Variants in EPHA5 observed in about 807,000 individuals in gnomAD.
EPHA5 encodes ephrin type-A receptor 5.
In EPHA5, 60 loss-of-function variants were observed where a neutral mutation model predicts 105.0. The ratio of observed to expected loss-of-function variants is 0.57; its 90% CI spans 0.46 to 0.71. The LOEUF is 0.71. Ranked by LOEUF, EPHA5 falls within the 30% of genes least tolerant of loss-of-function variation. EPHA5 has a pLI of 0.00. For synonymous variants in EPHA5, 513 were observed against 449.1 expected (o/e 1.14, Z -1.80); for missense variants, 1,218 against 1,274.7 (o/e 0.96, Z 0.68).
At chr4:65,639,585 G>A (rs904062574) in intron 2 of EPHA5, among the ~76,000 whole-genome samples, 1 of 152,050 alleles carries the variant, frequency 6.6e-6, no homozygotes, top group African/African-American at 2.4e-5. Flanking sequence ...GCTTTATCCT[G>A]CTTATGTTTG....
At chr4:65,554,981 CA>C (rs71205383) in intron 3 of EPHA5, among the ~76,000 whole-genome samples, 11 of 92,556 alleles carry the variant, frequency 1.2e-4, no homozygotes, top group South Asian at 7.8e-4. Flanking sequence ...TATACAACAG[CA>C]AAAAAAAAAA....
At chr4:65,510,356 C>T (rs1578291920) in intron 3 of EPHA5, among the ~76,000 whole-genome samples, 1 of 151,824 alleles carries the variant, frequency 6.6e-6, no homozygotes, top group East Asian at 1.9e-4. Context: ...ATACATACTT[C>T]TGTTAGCAAG....
intron 3 of EPHA5, among the ~76,000 whole-genome samples, chr4:65,526,773 T>A (rs967207931): frequency 6.6e-6 from 1 of 152,026 alleles, no homozygotes; most frequent in Non-Finnish European, 1.5e-5. Context: ...ATGGAATGGC[T>A]ACAAGGTTTC....
intron 3 of EPHA5, among the ~76,000 whole-genome samples, chr4:65,594,321 T>A (rs559279366): frequency 5.0e-4 from 76 of 152,238 alleles, no homozygotes; most frequent in Non-Finnish European, 7.9e-4. Flanking sequence ...CATTTCAACA[T>A]AAAATATAAT....
At chr4:65,481,916 T>C (rs1171530414) in intron 5 of EPHA5, among the ~76,000 whole-genome samples, 1 of 152,190 alleles carries the variant, frequency 6.6e-6, no homozygotes, top group Admixed American at 6.5e-5. Flanking sequence ...TTAAATAAAG[T>C]TCAGACACTT....
At chr4:65,484,337 G>A (rs781082363) in intron 5 of EPHA5, among the ~76,000 whole-genome samples, 125 of 152,104 alleles carry the variant, frequency 8.2e-4, no homozygotes, top group Middle Eastern at 3.2e-3. Flanking sequence ...TCAACTACAA[G>A]GATGGCATCA....
At chr4:65,455,282 T>TA (rs1308860980) in intron 5 of EPHA5, among the ~76,000 whole-genome samples, 1 of 151,932 alleles carries the variant, frequency 6.6e-6, no homozygotes, top group Non-Finnish European at 1.5e-5. Context: ...AATACAAAAC[T>TA]AAAAAATGAA....
intron 5 of EPHA5, among the ~76,000 whole-genome samples, chr4:65,432,370 G>A (rs994830346): frequency 2.0e-5 from 3 of 152,014 alleles, no homozygotes; most frequent in African/African-American, 4.8e-5. Flanking sequence ...AGTAACCTGC[G>A]CTCCAATAAA....
intron 15 of EPHA5, among the ~76,000 whole-genome samples, chr4:65,333,745 C>T (rs1159475359): frequency 6.7e-6 from 1 of 149,296 alleles, no homozygotes; most frequent in Non-Finnish European, 1.5e-5. Flanking sequence ...AAAGTATCTA[C>T]TTTTTAAAAA....
chr4:65,510,177 G>A (rs974470340), intron 3 of EPHA5, among the ~76,000 whole-genome samples: 1 of 150,606 alleles, frequency 6.6e-6, no homozygotes, highest in African/African-American at 2.4e-5. Context: ...TGGTATTACA[G>A]GCATATGCCA....
rs1750337795 is a variant in EPHA5, at chr4:65,670,163, C to A, written c.-421G>T. ...GTAAGGAAGGCAAATCATTTTAAGA[C>A]GAAATCTCCGATTTTTTAAAAAAGG... On this transcript the variant is annotated 5_prime_UTR_variant, in exon 1 of 17. Coordinates refer to ENST00000613740, the MANE Select transcript of EPHA5 (RefSeq NM_001281766.3). The A allele has an allele frequency of 1.6e-5, 4 of 250,394 alleles. No homozygotes were observed. In the Admixed American group the frequency reaches 1.6e-4, roughly 10 times the overall value. 15.5% of individuals were successfully genotyped at this position (250,394 alleles called of 1,614,324 possible).
chr4:65,536,364 A>T lies in EPHA5; in HGVS notation c.911-40821T>A, dbSNP rs533010505. ...TTTAAACATTTTTAAAAATCACCGC[A>T]TTTAACAATGTGTTATAGGAAAGCA... On this transcript the variant is annotated intron_variant, in intron 3 of 16. Transcript: ENST00000613740. 4.6e-5 allele frequency among the ~76,000 whole-genome samples: 7 copies of T among 152,104 alleles called. No individual in the cohort carries two copies. In the South Asian group the frequency reaches 1.4e-3, roughly 32 times the overall value.
chr4:65,502,003 A>G (rs1227214167), intron 3 of EPHA5, among the ~76,000 whole-genome samples: 1 of 151,856 alleles, frequency 6.6e-6, no homozygotes, highest in Admixed American at 6.6e-5. Context: ...CAATAGGGGA[A>G]AAACTTCCCA....
At chr4:65,387,768 T>A (rs35928662) in intron 8 of EPHA5, among the ~76,000 whole-genome samples, 1 of 151,816 alleles carries the variant, frequency 6.6e-6, no homozygotes, top group East Asian at 2.0e-4. Flanking sequence ...TGTAGAATAC[T>A]GGTTTATTAC....
At chr4:65,531,145 C>G (rs1287070055) in intron 3 of EPHA5, among the ~76,000 whole-genome samples, 2 of 151,208 alleles carry the variant, frequency 1.3e-5, no homozygotes, top group Non-Finnish European at 1.5e-5. Context: ...TCACGCCATT[C>G]TCCTGCCTCA....
chr4:65,613,325 T>G (rs1225774002), intron 2 of EPHA5, among the ~76,000 whole-genome samples: 1 of 152,122 alleles, frequency 6.6e-6, no homozygotes, highest in Non-Finnish European at 1.5e-5. Context: ...CCAGCTTTAT[T>G]CTTTTTGCTT....
At chr4:65,554,080 A>T in intron 3 of EPHA5, among the ~76,000 whole-genome samples, 1 of 151,480 alleles carries the variant, frequency 6.6e-6, no homozygotes, top group East Asian at 1.9e-4. Context: ...TTCAGTGTTC[A>T]TTTCAAAATG....
chr4:65,498,597 G>A (rs941679282), intron 3 of EPHA5, among the ~76,000 whole-genome samples: 6 of 151,740 alleles, frequency 4.0e-5, no homozygotes, highest in Admixed American at 6.6e-5. Context: ...AATGAGAATG[G>A]GGTAAAATCA....
chr4:65,641,236 G>C lies in EPHA5; in HGVS notation c.246+2127C>G, dbSNP rs183482425. Among the ~76,000 whole-genome samples the C allele has an allele frequency of 6.0e-4, 91 of 152,170 alleles. 1 individual carries two copies. The highest frequency in any genetic ancestry group is 3.4e-4 in the Non-Finnish European group (23 of 68,026). On this transcript the variant is annotated intron_variant, in intron 2 of 16. Coordinates refer to ENST00000613740, the MANE Select transcript of EPHA5 (RefSeq NM_001281766.3). ...GCTTTTCAAGACTACCTCAGAGCTA[G>C]AGAGGCAGAAAGGACACGGAGCAAG...
Sources: gnomAD v4.1 joint callset for allele counts (sites outside exome capture counted in the v4.1 genomes callset) on GRCh38, gnomAD v4.1.1 for gene constraint, MANE v1.5 for transcripts, NCBI Gene and HGNC (gene_info 2026-07-23, HGNC 2026-07-21) for gene names.